The following DPYD variants were observed in gnomAD, a reference collection of about 807,000 sequenced individuals.
DPYD encodes the protein dihydropyrimidine dehydrogenase.
A neutral mutation model predicts 116.2 loss-of-function variants in DPYD; 109 were observed. That is an observed-to-expected ratio of 0.94 (90% confidence interval 0.80 to 1.10). The LOEUF (loss-of-function observed/expected upper bound fraction) is 1.10. Ranked by LOEUF, DPYD falls within the 50% of genes least tolerant of loss-of-function variation. The pLI, the probability that DPYD is intolerant of heterozygous loss-of-function variation, is 0.00. For synonymous variants in DPYD, 440 were observed against 432.0 expected (o/e 1.02, Z -0.23); for missense variants, 1,302 against 1,254.5 (o/e 1.04, Z -0.57).
At chr1:97,191,228 A>T (rs903370555) in intron 20 of DPYD, among the ~76,000 whole-genome samples, 1 of 151,696 alleles carries the variant, frequency 6.6e-6, no homozygotes, top group Non-Finnish European at 1.5e-5. Context: ...TTATAGGACC[A>T]AAAAAAAGAA....
chr1:97,306,679 A>C (rs765378526), intron 16 of DPYD, among the ~76,000 whole-genome samples: 2 of 151,950 alleles, frequency 1.3e-5, no homozygotes, highest in Non-Finnish European at 2.9e-5. Flanking sequence ...GGTTTAAGCA[A>C]AATAAAAAAT....
At chr1:97,498,044 C>A (rs1570841140) in intron 13 of DPYD, among the ~76,000 whole-genome samples, 1 of 151,666 alleles carries the variant, frequency 6.6e-6, no homozygotes, top group South Asian at 2.1e-4. Context: ...ATACTAAATA[C>A]ATAAAAGAAA....
At chr1:97,505,766 T>C (rs953387734) in intron 13 of DPYD, among the ~76,000 whole-genome samples, 2 of 152,006 alleles carry the variant, frequency 1.3e-5, no homozygotes, top group Non-Finnish European at 2.9e-5. Context: ...CTAAAAATGG[T>C]ACTTTCTTTA....
intron 14 of DPYD, among the ~76,000 whole-genome samples, chr1:97,440,197 A>G (rs1675694193): frequency 6.6e-6 from 1 of 151,658 alleles, no homozygotes; most frequent in Non-Finnish European, 1.5e-5. Context: ...CCGGGAGGCA[A>G]AAGTTGTGGT....
chr1:97,821,388 T>C (rs1437710582), intron 3 of DPYD, among the ~76,000 whole-genome samples: 1 of 151,606 alleles, frequency 6.6e-6, no homozygotes, highest in Non-Finnish European at 1.5e-5. Context: ...TCCTTCCCTT[T>C]ACTGTTCAGG....
At chr1:97,546,292 C>A (rs1280491555) in intron 12 of DPYD, 4 of 1,434,042 alleles carry the variant, frequency 2.8e-6, no homozygotes, top group Non-Finnish European at 3.9e-6. Context: ...AAAACCTGCA[C>A]CTGTGCTATT....
chr1:97,181,053 A>G (rs1276605553), intron 20 of DPYD, among the ~76,000 whole-genome samples: 1 of 152,164 alleles, frequency 6.6e-6, no homozygotes, highest in Non-Finnish European at 1.5e-5. Context: ...TCAGACATGG[A>G]AGTGGAAATC....
intron 8 of DPYD, among the ~76,000 whole-genome samples, chr1:97,649,172 G>T (rs1658439108): frequency 6.6e-6 from 1 of 152,002 alleles, no homozygotes; most frequent in Admixed American, 6.6e-5. Context: ...CAGTGTAATT[G>T]AGGAAGCAAT....
chr1:97,387,974 CT>C (rs982072782), intron 14 of DPYD, among the ~76,000 whole-genome samples: 30 of 151,982 alleles, frequency 2.0e-4, no homozygotes, highest in African/African-American at 7.0e-4. Flanking sequence ...TCAAAAGATG[CT>C]TGTGACTATA....
At chr1:97,566,855 A>T (rs952978146) in intron 11 of DPYD, among the ~76,000 whole-genome samples, 1 of 152,130 alleles carries the variant, frequency 6.6e-6, no homozygotes, top group African/African-American at 2.4e-5. Flanking sequence ...GGTTTATTAA[A>T]ATGTTCTAGC....
chr1:97,769,270 T>C (rs1249795308), intron 3 of DPYD, among the ~76,000 whole-genome samples: 1 of 152,262 alleles, frequency 6.6e-6, no homozygotes, highest in East Asian at 1.9e-4. Flanking sequence ...AAGAACTGGA[T>C]ACAATTATAC....
intron 1 of DPYD, among the ~76,000 whole-genome samples, chr1:97,906,840 C>T (rs1490831816): frequency 1.3e-5 from 2 of 152,094 alleles, no homozygotes; most frequent in African/African-American, 4.8e-5. Flanking sequence ...TTAGCAATCT[C>T]AGTATCTTTC....
In DPYD at chr1:97,477,604, CTTTTTTTTT is replaced by C. The variant is rs56199931; in HGVS notation, c.1741-27390_1741-27382del. Among the ~76,000 whole-genome samples, 69 of 113,670 alleles carry C rather than the reference CTTTTTTTTT, an allele frequency of 6.1e-4. 1 individual carries two copies. In the South Asian group the frequency reaches 0.018, roughly 30 times the overall value. The allele number at this position is 113,670 out of a possible 152,430, so 74.6% of individuals were successfully genotyped here. A position where few individuals can be genotyped will look rare whatever the true frequency, so the allele number is the denominator to read the frequency against. ...CTGACCTCCTTCCATGACTGTTCTT[CTTTTTTTTT>C]TTTTTTTTTTTTTTTTTTAAGACGG... On this transcript the variant is annotated intron_variant, in intron 13 of 22. Coordinates refer to ENST00000370192, the MANE Select transcript of DPYD (RefSeq NM_000110.4).
At chr1:97,787,935 A>G (rs549540915) in intron 3 of DPYD, among the ~76,000 whole-genome samples, 18 of 152,318 alleles carry the variant, frequency 1.2e-4, no homozygotes, top group African/African-American at 4.1e-4. Context: ...CTCTAGAAAA[A>G]TCACACGGTA....
chr1:97,367,179 C>T (rs1344047248), intron 16 of DPYD, among the ~76,000 whole-genome samples: 4 of 152,000 alleles, frequency 2.6e-5, no homozygotes, highest in South Asian at 2.1e-4. Flanking sequence ...TTCCTGATGA[C>T]GGACGTCTGC....
At position 97,548,554 on chromosome 1, in the gene DPYD, T is replaced by C. The variant is rs138606763; in HGVS notation, c.1524+1006A>G. ...GAGTTTGAGACCAGCTTGGCCAACATAGTGAAACCCCATCTCTACTAAAAA... is the reference window on the plus strand; with the variant it reads ...GAGTTTGAGACCAGCTTGGCCAACACAGTGAAACCCCATCTCTACTAAAAA... On this transcript the variant is annotated intron_variant, in intron 12 of 22. Transcript: ENST00000370192. Among the ~76,000 whole-genome samples, 1,240 of 152,120 alleles carry C rather than the reference T, an allele frequency of 8.2e-3. 24 individuals carry two copies. The East Asian group carries it at 0.082, about 10-fold the overall frequency.
Position 97,306,298 on chromosome 1 carries a change from C to T in DPYD, c.2059-1G>A. On this transcript the variant is annotated splice_acceptor_variant, in intron 16 of 22. Coordinates refer to ENST00000370192, the MANE Select transcript of DPYD (RefSeq NM_000110.4). LOFTEE classifies it high-confidence loss of function. Reference sequence around the variant, plus strand: ...AGATGTTCCGCACCAGCTCTGGATCCTGTTCAAATAGGTCGGTTAAATATA... The same window carrying T: ...AGATGTTCCGCACCAGCTCTGGATCTTGTTCAAATAGGTCGGTTAAATATA... 1 of 1,612,110 alleles carries T rather than the reference C, an allele frequency of 6.2e-7. No homozygotes were observed. The highest frequency in any genetic ancestry group is 8.5e-7 in the Non-Finnish European group (1 of 1,178,626).
intron 20 of DPYD, among the ~76,000 whole-genome samples, chr1:97,123,570 T>C (rs1652609311): frequency 6.6e-6 from 1 of 152,130 alleles, no homozygotes; most frequent in African/African-American, 2.4e-5. Flanking sequence ...CTAGCTTATT[T>C]ACAAAATTTT....
chr1:97,861,294 A>C (rs978963525), intron 2 of DPYD, among the ~76,000 whole-genome samples: 2 of 151,940 alleles, frequency 1.3e-5, no homozygotes, highest in African/African-American at 4.8e-5. Context: ...ACTCAGGAAG[A>C]AAAAAAGACT....
Sources: gnomAD v4.1 joint callset for allele counts (sites outside exome capture counted in the v4.1 genomes callset) on GRCh38, gnomAD v4.1.1 for gene constraint, MANE v1.5 for transcripts, NCBI Gene and HGNC (gene_info 2026-07-23, HGNC 2026-07-21) for gene names.